ZNF562: variants seen among roughly 807,000 people sequenced by gnomAD.
ZNF562 encodes zinc finger protein 562.
ZNF562 carries 13 observed loss-of-function variants against 17.5 expected under a neutral mutation model. That is an observed-to-expected ratio of 0.74 (90% CI 0.48 to 1.18). The LOEUF (loss-of-function observed/expected upper bound fraction) is 1.18, where lower values mean the gene tolerates loss of function less well. ZNF562 is among the 50% of genes most tolerant of loss of function. The pLI is 0.00. For synonymous variants in ZNF562, 163 were observed against 165.4 expected (o/e 0.99, Z 0.11); for missense variants, 481 against 498.5 (o/e 0.96, Z 0.33).
At chr19:9,658,774 A>G (rs922034147) in intron 3 of ZNF562, among the ~76,000 whole-genome samples, 5 of 151,970 alleles carry the variant, frequency 3.3e-5, no homozygotes, top group African/African-American at 9.7e-5. Flanking sequence ...ATTTTTATCT[A>G]TCTAGCATCT....
intron 1 of ZNF562, among the ~76,000 whole-genome samples, chr19:9,671,815 T>C (rs2145053737): frequency 6.6e-6 from 1 of 152,340 alleles, no homozygotes; most frequent in East Asian, 1.9e-4. Flanking sequence ...GCAGATTAAC[T>C]GTTTTTCTCT....
At chr19:9,658,213 C>A (rs554086262) in intron 3 of ZNF562, 78 bp from the exon 4 acceptor site, 14 of 1,514,626 alleles carry the variant, frequency 9.2e-6, no homozygotes, top group East Asian at 2.4e-5. Flanking sequence ...GAAAGGGGAA[C>A]CTTATACTCA....
Position 9,653,886 on chromosome 19 carries a change from T to C in ZNF562, c.349-5A>G. The C allele has an allele frequency of 1.3e-6, 2 of 1,545,938 alleles. No individual in the cohort carries two copies. Among genetic ancestry groups the C allele is most frequent in the Non-Finnish European group, 1.7e-6 (2 of 1,149,038 alleles). On this transcript the variant is annotated splice_polypyrimidine_tract_variant and splice_region_variant and intron_variant, in intron 5 of 5. Transcript: ENST00000453372. The stretch of plus-strand genomic sequence containing the variant: ...TCCACTGTAGCTTCTTGTCTGCTGA[T>C]GAGGGGATAAAGGATTTAAAATGTT...
In ZNF562 at chr19:9,648,701, C is replaced by T. The variant is rs1422470478; in HGVS notation, c.*4248G>A. On this transcript the variant is annotated 3_prime_UTR_variant, in exon 6 of 6. Coordinates refer to ENST00000453372, the MANE Select transcript of ZNF562 (RefSeq NM_001130031.2). ...TTTTTTTTTTTGAGATGGGGTCTTG[C>T]TATGTTGCCTAAGCTGGTCTAGAAC... The T allele has an allele frequency of 1.3e-5, 2 of 149,708 alleles. No homozygotes were observed. The highest frequency in any genetic ancestry group is 3.0e-5 in the Non-Finnish European group (2 of 67,642). 9.3% of individuals were successfully genotyped at this position (149,708 alleles called of 1,614,324 possible).
chr19:9,674,054 G>T (rs1028690038), intron 1 of ZNF562, among the ~76,000 whole-genome samples: 1 of 152,240 alleles, frequency 6.6e-6, no homozygotes, highest in South Asian at 2.1e-4. Flanking sequence ...ACCAGGACAA[G>T]GGAGGGGAAG....
At chr19:9,657,439 A>C (rs1483924796) in intron 4 of ZNF562, among the ~76,000 whole-genome samples, 2 of 152,002 alleles carry the variant, frequency 1.3e-5, no homozygotes, top group African/African-American at 2.4e-5. Context: ...AACAAACAAA[A>C]AAAACAGAAC....
chr19:9,660,662 T>C lies in ZNF562; in HGVS notation c.25+58A>G, dbSNP rs1279602867. 9 of 1,577,306 alleles carry C rather than the reference T, an allele frequency of 5.7e-6. No individual in the cohort carries two copies. The Admixed American group carries it at 7.0e-5, about 12-fold the overall frequency. ...TCAGGCCCAGCTCACTGGACTCTTA[T>C]GTTGTGGAGGGCGACCTAAAGCAGA... On this transcript the variant is annotated intron_variant, in intron 2 of 5. Coordinates refer to ENST00000453372, the MANE Select transcript of ZNF562 (RefSeq NM_001130031.2).
intron 1 of ZNF562, among the ~76,000 whole-genome samples, chr19:9,671,448 C>T (rs1427859140): frequency 6.6e-6 from 1 of 152,114 alleles, no homozygotes; most frequent in Non-Finnish European, 1.5e-5. Flanking sequence ...TGCTCTCCAG[C>T]CTGGGTGATC....
Position 9,650,405 on chromosome 19 carries a change from T to TACATAC in ZNF562, c.*2543_*2544insGTATGT, listed in dbSNP as rs2074850922. 1 of 140,590 alleles carries TACATAC rather than the reference T, an allele frequency of 7.1e-6. No homozygotes were observed. The highest frequency in any genetic ancestry group is 1.5e-5 in the Non-Finnish European group (1 of 64,692). 8.7% of individuals were successfully genotyped at this position (140,590 alleles called of 1,614,324 possible). ...ATATATATGTATATATATATACACA[T>TACATAC]ACACACACACACACACACACACACA... is the stretch of plus-strand genomic sequence containing the variant. On this transcript the variant is annotated 3_prime_UTR_variant, in exon 6 of 6. Transcript: ENST00000453372.
chr19:9,668,313 G>A (rs114555479), intron 1 of ZNF562, among the ~76,000 whole-genome samples: 4,693 of 152,084 alleles, frequency 0.031, 245 homozygotes, highest in African/African-American at 0.11. Context: ...GGAGTTCAAG[G>A]CTGCTGCATG....
intron 3 of ZNF562, 41 bp from the exon 4 acceptor site, chr19:9,658,176 T>C (rs770330590): frequency 1.3e-6 from 2 of 1,592,686 alleles, no homozygotes; most frequent in South Asian, 2.3e-5. Context: ...CAATGAACAC[T>C]TCCACCAATA....
intron 1 of ZNF562, among the ~76,000 whole-genome samples, chr19:9,673,079 C>A (rs149000041): frequency 6.6e-6 from 1 of 152,228 alleles, no homozygotes; most frequent in Non-Finnish European, 1.5e-5. Flanking sequence ...CATCTGTTCC[C>A]TTGGCTACTC....
intron 1 of ZNF562, among the ~76,000 whole-genome samples, chr19:9,662,891 G>A (rs1193656620): frequency 6.6e-6 from 1 of 151,702 alleles, no homozygotes; most frequent in Non-Finnish European, 1.5e-5. Flanking sequence ...CATGGATGCT[G>A]TAGTCCAACC....
chr19:9,652,879 A>C lies in ZNF562; in HGVS notation c.*70T>G. On this transcript the variant is annotated 3_prime_UTR_variant, in exon 6 of 6. Coordinates refer to ENST00000453372, the MANE Select transcript of ZNF562 (RefSeq NM_001130031.2). ...CTTTCCCAAATTCTTTACATACAAA[A>C]GGTTTCTCTCTGGTAGGAGTTCACA... The C allele has an allele frequency of 1.4e-6, 2 of 1,382,142 alleles. No homozygotes were observed. The highest frequency in any genetic ancestry group is 1.9e-6 in the Non-Finnish European group (2 of 1,042,962). The allele number at this position is 1,382,142 out of a possible 1,614,324, so 85.6% of individuals were successfully genotyped here.
rs1215156693 is a variant in ZNF562, at chr19:9,660,740, G to A, written c.5C>T (p.Ser2Leu). M[S>L]AFDMSHGFFP... ...CTTACCATGGGACATATCAAAGGCTGACATCCTCTGAAGCTGATGGTGAGA... is the reference window on the plus strand; with the variant it reads ...CTTACCATGGGACATATCAAAGGCTAACATCCTCTGAAGCTGATGGTGAGA... The change falls in exon 2 of 6, where the codon TCA becomes TTA. Residue 2 changes from serine (S) to leucine (L), a missense_variant. Ser to Leu is a moderately radical substitution (Grantham distance 145, BLOSUM62 -2). This residue lies in a region of ZNF562 where 403 missense variants were observed against 386.4 expected (regional missense o/e 1.04). Transcript: ENST00000453372. The A allele has an allele frequency of 1.9e-6, 3 of 1,613,632 alleles. No individual in the cohort carries two copies. Among genetic ancestry groups the A allele is most frequent in the South Asian group, 1.1e-5 (1 of 91,038 alleles).
intron 1 of ZNF562, among the ~76,000 whole-genome samples, chr19:9,669,776 AAC>A (rs1228499805): frequency 4.9e-5 from 7 of 143,168 alleles, no homozygotes; most frequent in African/African-American, 2.0e-4. Flanking sequence ...ACACACACAC[AAC>A]CAGTCAGGGA....
Position 9,643,566 on chromosome 19 carries a change from T to C in ZNF562, c.*9383A>G, listed in dbSNP as rs935588693. On this transcript the variant is annotated 3_prime_UTR_variant, in exon 6 of 6. Transcript: ENST00000453372. ...ATTTATTTGCTAATCCGTTCCTTCC[T>C]AGCTTCCTTTTTTCCTTCTTTTTTT... is the stretch of plus-strand genomic sequence containing the variant. 2.6e-5 allele frequency: 4 copies of C among 151,510 alleles called. No homozygotes were observed. Among genetic ancestry groups the C allele is most frequent in the African/African-American group, 9.7e-5 (4 of 41,278 alleles). 9.4% of individuals were successfully genotyped at this position (151,510 alleles called of 1,614,324 possible). A position where few individuals can be genotyped will look rare whatever the true frequency, so the allele number is the denominator to read the frequency against.
At chr19:9,673,689 C>G (rs1382969576) in intron 1 of ZNF562, among the ~76,000 whole-genome samples, 1 of 152,168 alleles carries the variant, frequency 6.6e-6, no homozygotes, top group South Asian at 2.1e-4. Flanking sequence ...GCTTAGTCTA[C>G]ACGCGTTCAT....
chr19:9,670,691 A>G (rs1485754944), intron 1 of ZNF562, among the ~76,000 whole-genome samples: 6 of 152,278 alleles, frequency 3.9e-5, no homozygotes, highest in African/African-American at 1.2e-4. Context: ...AGACGGAGAT[A>G]AAGAGAGGTT....
Sources: gnomAD v4.1 joint callset for allele counts (sites outside exome capture counted in the v4.1 genomes callset) on GRCh38, gnomAD v4.1.1 for gene constraint, gnomAD v4.1.1 regional missense constraint, MANE v1.5 for transcripts, NCBI Gene and HGNC (gene_info 2026-07-23, HGNC 2026-07-21) for gene names.